Variants in LPIN2 observed in about 807,000 individuals in gnomAD.
LPIN2 encodes phosphatidate phosphatase LPIN2.
In LPIN2, 55 loss-of-function variants were observed where a neutral mutation model predicts 111.4. The observed-to-expected ratio is 0.49, with a 90% confidence interval of 0.40 to 0.62. The LOEUF (loss-of-function observed/expected upper bound fraction) is 0.62, where lower values mean the gene tolerates loss of function less well. Among genes scored for constraint, LPIN2 ranks in the 20% least tolerant of loss-of-function variants. The probability of loss-of-function intolerance (pLI) is 0.00; values close to 1 mark genes in which losing one functional copy is unlikely to be tolerated. For missense variants in LPIN2, 992 were observed against 1,112.1 expected (o/e 0.89, Z 1.54); for synonymous variants, 425 against 414.0 (o/e 1.03, Z -0.32).
intron 6 of LPIN2, among the ~76,000 whole-genome samples, chr18:2,938,501 G>A (rs1182316531): frequency 6.6e-6 from 1 of 152,120 alleles, no homozygotes; most frequent in Non-Finnish European, 1.5e-5. Flanking sequence ...TCCAGCCTAG[G>A]TGACAGAGCA....
At chr18:2,935,823 A>T (rs1315181357) in intron 7 of LPIN2, among the ~76,000 whole-genome samples, 2 of 151,876 alleles carry the variant, frequency 1.3e-5, no homozygotes, top group Non-Finnish European at 2.9e-5. Context: ...GGTTGAGGAG[A>T]GAGGGAGGGC....
chr18:2,931,270 C>T lies in LPIN2; in HGVS notation c.1442G>A (p.Gly481Glu), dbSNP rs377661526. 3.7e-6 allele frequency: 6 copies of T among 1,614,036 alleles called. No individual in the cohort carries two copies. The highest frequency in any genetic ancestry group is 3.3e-5 in the Admixed American group (2 of 60,006). ...LSLCGGLSEN[G>E]EISKEKFMEH... ...ACCCAACGTACCTTTTGAAATTTCT[C>T]CATTTTCACTGAGGCCCCCGCAAAG... The change falls in exon 9 of 20, where the codon GGA becomes GAA. Residue 481 changes from glycine (G) to glutamate (E), a missense_variant. Physicochemically the swap from Gly to Glu is moderately conservative, Grantham distance 98. Transcript: ENST00000677752.
intron 1 of LPIN2, among the ~76,000 whole-genome samples, chr18:3,007,113 G>A (rs187055180): frequency 6.6e-6 from 1 of 152,148 alleles, no homozygotes; most frequent in Non-Finnish European, 1.5e-5. Flanking sequence ...TAGTTCATAT[G>A]TAAATTGACA....
intron 1 of LPIN2, among the ~76,000 whole-genome samples, chr18:2,980,160 G>A (rs779862928): frequency 2.6e-5 from 4 of 152,152 alleles, no homozygotes; most frequent in East Asian, 1.9e-4. Context: ...AAATTTTAGC[G>A]AAACTTGGCC....
intron 7 of LPIN2, 57 bp from the exon 8 acceptor site, chr18:2,934,507 C>A: frequency 9.2e-7 from 1 of 1,089,076 alleles, no homozygotes. Context: ...TACAGCTCTG[C>A]AAAACACACG....
chr18:2,972,708 T>TTC (rs2077941680), intron 1 of LPIN2, among the ~76,000 whole-genome samples: 1 of 152,210 alleles, frequency 6.6e-6, no homozygotes, highest in South Asian at 2.1e-4. Context: ...CCCAACTCCC[T>TTC]TCCTCAGCCC....
chr18:2,996,330 C>G (rs1323586458), intron 1 of LPIN2, among the ~76,000 whole-genome samples: 1 of 151,694 alleles, frequency 6.6e-6, no homozygotes, highest in African/African-American at 2.4e-5. Flanking sequence ...CAGTGCAAGA[C>G]TTCATCCCAA....
At chr18:2,998,937 A>G (rs1172210799) in intron 1 of LPIN2, among the ~76,000 whole-genome samples, 1 of 152,264 alleles carries the variant, frequency 6.6e-6, no homozygotes, top group Non-Finnish European at 1.5e-5. Context: ...TTAAACATTC[A>G]GGAACATGCA....
intron 1 of LPIN2, among the ~76,000 whole-genome samples, chr18:3,007,407 G>C (rs145898018): frequency 6.6e-6 from 1 of 152,132 alleles, no homozygotes; most frequent in African/African-American, 2.4e-5. Context: ...TCCTGACCTC[G>C]TGATCCGCCC....
At chr18:2,945,091 TTAAA>T (rs1475563222) in intron 4 of LPIN2, among the ~76,000 whole-genome samples, 3 of 152,198 alleles carry the variant, frequency 2.0e-5, no homozygotes, top group Non-Finnish European at 4.4e-5. Context: ...CATCTCTTCC[TTAAA>T]TATTTTCAAG....
At chr18:2,976,449 A>G (rs111740240) in intron 1 of LPIN2, among the ~76,000 whole-genome samples, 1,609 of 152,344 alleles carry the variant, frequency 0.011, 28 homozygotes, top group African/African-American at 0.036. Context: ...TTTAGAAAGC[A>G]AGCTACACGT....
intron 18 of LPIN2, 75 bp from the exon 19 acceptor site, chr18:2,920,956 C>T: frequency 1.0e-6 from 1 of 983,374 alleles, no homozygotes; most frequent in South Asian, 1.3e-5. Flanking sequence ...CCTTGTGAGC[C>T]AGAAGCACTG....
At chr18:2,973,646 C>T (rs751711919) in intron 1 of LPIN2, among the ~76,000 whole-genome samples, 8 of 152,156 alleles carry the variant, frequency 5.3e-5, no homozygotes, top group Non-Finnish European at 5.9e-5. Context: ...GGTTGAGTAT[C>T]CCCCTTATCC....
intron 1 of LPIN2, among the ~76,000 whole-genome samples, chr18:2,972,026 G>A (rs977378076): frequency 3.9e-5 from 6 of 152,056 alleles, no homozygotes; most frequent in African/African-American, 7.2e-5. Flanking sequence ...CAGCCTGGGC[G>A]ACAGAGTGAA....
At chr18:2,944,681 T>C (rs1478707744) in intron 4 of LPIN2, among the ~76,000 whole-genome samples, 4 of 152,154 alleles carry the variant, frequency 2.6e-5, no homozygotes, top group African/African-American at 9.7e-5. Flanking sequence ...CAATTTTACA[T>C]AGTTTTCCAT....
At chr18:3,007,453 A>G (rs1029831097) in intron 1 of LPIN2, among the ~76,000 whole-genome samples, 18 of 152,320 alleles carry the variant, frequency 1.2e-4, no homozygotes, top group South Asian at 8.3e-4. Flanking sequence ...TTACAGGCGT[A>G]AGCCACCACA....
intron 5 of LPIN2, 120 bp from the exon 6 acceptor site, chr18:2,939,723 ACT>A (rs2077343227): frequency 4.7e-6 from 5 of 1,053,072 alleles, no homozygotes; most frequent in Non-Finnish European, 7.0e-6. Flanking sequence ...ATATATAAAA[ACT>A]CTATGGAAGG....
chr18:2,923,352 G>A (rs1426285314), intron 16 of LPIN2, among the ~76,000 whole-genome samples: 1 of 148,238 alleles, frequency 6.7e-6, no homozygotes, highest in South Asian at 2.1e-4. Flanking sequence ...CCCGGGAGGC[G>A]GAGACTGCAG....
Position 2,995,575 on chromosome 18 carries a change from C to T in LPIN2, c.-10+17512G>A, listed in dbSNP as rs143370479. On this transcript the variant is annotated intron_variant, in intron 1 of 19. Coordinates refer to ENST00000677752, the MANE Select transcript of LPIN2 (RefSeq NM_001375808.2). ...CATGACATGAGGGCTCCCCTTTCTT[C>T]CTGAAAGAACTATCTTTAAATTTAA... is the stretch of plus-strand genomic sequence containing the variant. Among the ~76,000 whole-genome samples the T allele has an allele frequency of 7.3e-3, 1,107 of 152,334 alleles. 21 individuals carry two copies. Among genetic ancestry groups the T allele is most frequent in the African/African-American group, 0.026 (1,061 of 41,548 alleles).
Sources: gnomAD v4.1 joint callset for allele counts (sites outside exome capture counted in the v4.1 genomes callset) on GRCh38, gnomAD v4.1.1 for gene constraint, MANE v1.5 for transcripts, NCBI Gene and HGNC (gene_info 2026-07-23, HGNC 2026-07-21) for gene names.